SLC1A1: variants seen among roughly 807,000 people sequenced by gnomAD.
The protein encoded by SLC1A1 is solute carrier family 1 member 1.
Under a neutral mutation model 53.3 loss-of-function variants are expected in SLC1A1, and 43 were observed. The ratio of observed to expected loss-of-function variants is 0.81; its 90% CI spans 0.63 to 1.04. The LOEUF (loss-of-function observed/expected upper bound fraction) is 1.04, where lower values mean the gene tolerates loss of function less well. Among genes scored for constraint, SLC1A1 ranks in the 50% least tolerant of loss-of-function variants. The pLI is 0.00. For missense variants in SLC1A1, 748 were observed against 664.9 expected (o/e 1.12, Z -1.37); for synonymous variants, 307 against 243.2 (o/e 1.26, Z -2.44).
chr9:4,520,896 T>G (rs1012417602), intron 1 of SLC1A1, among the ~76,000 whole-genome samples: 5 of 152,222 alleles, frequency 3.3e-5, no homozygotes, highest in African/African-American at 1.2e-4. Context: ...GCAAAAAGAT[T>G]CCAGTTTCTC....
In SLC1A1 at chr9:4,505,068, A is replaced by G. The variant is rs559390770; in HGVS notation, c.91+14298A>G. On this transcript the variant is annotated intron_variant, in intron 1 of 11. Coordinates refer to ENST00000262352, the MANE Select transcript of SLC1A1 (RefSeq NM_004170.6). ...TTCTTTTTTTTTTTTTTTTTTTGAG[A>G]TACAGCCTCACTATGTCGCCCAGGC... Among the ~76,000 whole-genome samples, 300 of 46,438 alleles carry G rather than the reference A, an allele frequency of 6.5e-3. 4 individuals carry two copies. The highest frequency in any genetic ancestry group is 0.016 in the African/African-American group (293 of 17,992). The allele number at this position is 46,438 out of a possible 152,430, so 30.5% of individuals were successfully genotyped here.
chr9:4,547,024 G>C (rs1274711111), intron 2 of SLC1A1, among the ~76,000 whole-genome samples: 2 of 152,162 alleles, frequency 1.3e-5, no homozygotes, highest in African/African-American at 2.4e-5. Context: ...AGGTAAAACA[G>C]GTTTTAGAAG....
At position 4,586,227 on chromosome 9, in the gene SLC1A1, A is replaced by ATG. The variant is rs895983014; in HGVS notation, c.*670_*671insGT. On this transcript the variant is annotated 3_prime_UTR_variant, in exon 12 of 12. Coordinates refer to ENST00000262352, the MANE Select transcript of SLC1A1 (RefSeq NM_004170.6). ...TCAGCATAGAGCTATATATATATAT[A>ATG]TATGTATATATTTATTATTTTCATA... The ATG allele has an allele frequency of 6.6e-6, 1 of 151,340 alleles. No homozygotes were observed. Among genetic ancestry groups the ATG allele is most frequent in the African/African-American group, 2.4e-5 (1 of 41,386 alleles). 9.4% of individuals were successfully genotyped at this position (151,340 alleles called of 1,614,324 possible). A position where few individuals can be genotyped will look rare whatever the true frequency, so the allele number is the denominator to read the frequency against.
chr9:4,557,313 TC>T (rs1318584313), intron 2 of SLC1A1, among the ~76,000 whole-genome samples: 5 of 152,228 alleles, frequency 3.3e-5, no homozygotes, highest in Admixed American at 6.5e-5. Flanking sequence ...CATCTTCCTT[TC>T]CCCTGCCCAT....
At chr9:4,524,147 A>G in intron 1 of SLC1A1, among the ~76,000 whole-genome samples, 1 of 152,338 alleles carries the variant, frequency 6.6e-6, no homozygotes, top group African/African-American at 2.4e-5. Context: ...ACATGGGAAT[A>G]CTTGGAAAAG....
At chr9:4,562,577 T>G (rs369226640) in intron 3 of SLC1A1, among the ~76,000 whole-genome samples, 42 of 152,208 alleles carry the variant, frequency 2.8e-4, no homozygotes, top group African/African-American at 9.9e-4. Context: ...ACCCTTAGCA[T>G]AGTTTTTTGA....
At position 4,572,354 on chromosome 9, in the gene SLC1A1, G is replaced by T. The variant is rs1162116055; in HGVS notation, c.733G>T (p.Asp245Tyr). The change falls in exon 7 of 12, where the codon GAT (aspartate) becomes TAT (tyrosine). Residue 245 changes from aspartate (D) to tyrosine (Y), a missense_variant. Transcript: ENST00000262352. ...ILVDFFNALS[D>Y]ATMKIVQIIM... Reference sequence around the variant, plus strand: ...GGTGGATTTCTTCAATGCTTTGAGTGATGCAACCATGAAAATCGTTCAGAT... The same window carrying T: ...GGTGGATTTCTTCAATGCTTTGAGTTATGCAACCATGAAAATCGTTCAGAT... 1.2e-6 allele frequency: 2 copies of T among 1,614,180 alleles called. No individual in the cohort carries two copies. The highest frequency in any genetic ancestry group is 1.7e-5 in the Admixed American group (1 of 60,026).
intron 1 of SLC1A1, among the ~76,000 whole-genome samples, chr9:4,498,552 A>C (rs1247183142): frequency 6.6e-6 from 1 of 151,516 alleles, no homozygotes; most frequent in Non-Finnish European, 1.5e-5. Context: ...AAAAAAAAGC[A>C]TAGTTATTCA....
chr9:4,551,629 C>G (rs886868255), intron 2 of SLC1A1, among the ~76,000 whole-genome samples: 1 of 152,158 alleles, frequency 6.6e-6, no homozygotes, highest in Non-Finnish European at 1.5e-5. Flanking sequence ...ATTGGTGGTC[C>G]ATTATACAGT....
In SLC1A1 at chr9:4,583,878, TCTCTCA is replaced by T. The variant is rs1267202603; in HGVS notation, c.1328+708_1328+713del. 3.9e-4 allele frequency among the ~76,000 whole-genome samples: 51 copies of T among 132,310 alleles called. No individual in the cohort carries two copies. Among genetic ancestry groups the T allele is most frequent in the African/African-American group, 7.5e-4 (22 of 29,478 alleles). 86.8% of individuals were successfully genotyped at this position (132,310 alleles called of 152,430 possible). A position where few individuals can be genotyped will look rare whatever the true frequency, so the allele number is the denominator to read the frequency against. On this transcript the variant is annotated intron_variant, in intron 11 of 11. Coordinates refer to ENST00000262352, the MANE Select transcript of SLC1A1 (RefSeq NM_004170.6). The surrounding 1 kb of genome is among the most constrained non-coding windows in gnomAD (Gnocchi z 4.6). The stretch of plus-strand genomic sequence containing the variant: ...TTCTCTCTCTCTCTCTCTCTCTCTC[TCTCTCA>T]CACACACACACACACACACACACAC...
chr9:4,490,686 A>C lies in SLC1A1; in HGVS notation c.7A>C (p.Lys3Gln). Residue 3 changes from lysine (K) to glutamine (Q), a missense_variant, in exon 1 of 12, where the codon AAA becomes CAA. By Grantham distance (53) the Lys-to-Gln change is moderately conservative. Coordinates refer to ENST00000262352, the MANE Select transcript of SLC1A1 (RefSeq NM_004170.6). ...CACAATAGCGGCGACAGCCATGGGG[A>C]AACCGGCGAGGAAAGGATGCGAGTG... MG[K>Q]PARKGCEWKR... is the part of the protein sequence containing the mutation. The C allele has an allele frequency of 6.2e-7, 1 of 1,612,586 alleles. No homozygotes were observed. Among genetic ancestry groups the C allele is most frequent in the Non-Finnish European group, 8.5e-7 (1 of 1,178,904 alleles).
At position 4,499,007 on chromosome 9, in the gene SLC1A1, TTA is replaced by T. The variant is rs1040072621; in HGVS notation, c.91+8248_91+8249del. Among the ~76,000 whole-genome samples, 7 of 144,252 alleles carry T rather than the reference TTA, an allele frequency of 4.9e-5. 2 individuals carry two copies. In the East Asian group the frequency reaches 5.9e-4, roughly 12 times the overall value. The allele number at this position is 144,252 out of a possible 152,430, so 94.6% of individuals were successfully genotyped here. A position where few individuals can be genotyped will look rare whatever the true frequency, so the allele number is the denominator to read the frequency against. The stretch of plus-strand genomic sequence containing the variant: ...TATATATTATATATAAGATTATATA[TTA>T]TATATATATAAGATTACATATTATA... On this transcript the variant is annotated intron_variant, in intron 1 of 11. Coordinates refer to ENST00000262352, the MANE Select transcript of SLC1A1 (RefSeq NM_004170.6).
intron 10 of SLC1A1, among the ~76,000 whole-genome samples, chr9:4,578,587 C>A (rs185038679): frequency 6.6e-6 from 1 of 152,192 alleles, no homozygotes; most frequent in Admixed American, 6.5e-5. Flanking sequence ...ATCATGGAAA[C>A]CCAGAAAAGA....
intron 5 of SLC1A1, among the ~76,000 whole-genome samples, 155 bp from the exon 6 acceptor site, chr9:4,567,514 G>A (rs566010551): frequency 1.3e-5 from 2 of 152,298 alleles, no homozygotes; most frequent in African/African-American, 4.8e-5. Context: ...CCTGATGGGA[G>A]GTACCGTTGA....
At chr9:4,545,187 A>ACG (rs1482539598) in intron 2 of SLC1A1, among the ~76,000 whole-genome samples, 3 of 48,996 alleles carry the variant, frequency 6.1e-5, no homozygotes, top group African/African-American at 1.9e-4. Flanking sequence ...AATACATTAG[A>ACG]TGTCTCTCTC....
chr9:4,526,616 A>G (rs754653745), intron 1 of SLC1A1, among the ~76,000 whole-genome samples: 39 of 152,244 alleles, frequency 2.6e-4, no homozygotes, highest in African/African-American at 8.9e-4. Context: ...GTGGATGTAT[A>G]CATGTTTATG....
rs1821331422 is a variant in SLC1A1 at position 4,583,872 on chromosome 9, TCTCTCTCTCTCACA to T, written c.1328+702_1328+715del. ...CAACACTTCTCTCTCTCTCTCTCTC[TCTCTCTCTCTCACA>T]CACACACACACACACACACACACAC... On this transcript the variant is annotated intron_variant, in intron 11 of 11. Coordinates refer to ENST00000262352, the MANE Select transcript of SLC1A1 (RefSeq NM_004170.6). This position sits in a 1 kb window ranked among gnomAD's most constrained non-coding sequence, Gnocchi z 4.6. 7.6e-6 allele frequency among the ~76,000 whole-genome samples: 1 copy of T among 131,484 alleles called. No homozygotes were observed. The highest frequency in any genetic ancestry group is 3.4e-5 in the African/African-American group (1 of 29,144). 86.3% of individuals were successfully genotyped at this position (131,484 alleles called of 152,430 possible).
At chr9:4,521,235 A>T (rs960204466) in intron 1 of SLC1A1, among the ~76,000 whole-genome samples, 8 of 152,208 alleles carry the variant, frequency 5.3e-5, no homozygotes, top group African/African-American at 1.9e-4. Flanking sequence ...TTTTCAAAAA[A>T]ATTTTTAATT....
intron 1 of SLC1A1, among the ~76,000 whole-genome samples, chr9:4,492,231 G>A (rs1031110807): frequency 1.3e-5 from 2 of 152,034 alleles, no homozygotes; most frequent in Admixed American, 6.6e-5. Flanking sequence ...TACAAAGAAC[G>A]ACTTGATTTC....
Sources: allele counts gnomAD v4.1 joint callset (sites outside exome capture counted in the v4.1 genomes callset), GRCh38; gene constraint gnomAD v4.1.1; non-coding constraint Gnocchi (gnomAD v3.1); transcripts MANE v1.5; gene names NCBI Gene and HGNC (gene_info 2026-07-23, HGNC 2026-07-21).